The following HPRT1 variants were observed in gnomAD, a reference collection of about 807,000 sequenced individuals.
The protein encoded by HPRT1 is hypoxanthine-guanine phosphoribosyltransferase.
HPRT1 carries 4 observed loss-of-function variants against 19.0 expected under a neutral mutation model. That is an observed-to-expected ratio of 0.21 (90% CI 0.10 to 0.48). The LOEUF (loss-of-function observed/expected upper bound fraction) is 0.48. HPRT1 is among the 20% of genes least tolerant of loss of function. The pLI is 0.98. For synonymous variants in HPRT1, 53 were observed against 54.9 expected (o/e 0.97, Z 0.15); for missense variants, 65 against 164.0 (o/e 0.40, Z 3.30).
intron 1 of HPRT1, among the ~76,000 whole-genome samples, chrX:134,467,343 C>T (rs776059928): frequency 8.9e-5 from 10 of 112,450 alleles, no homozygotes; most frequent in African/African-American, 1.3e-4. Context: ...TGAGCCACCA[C>T]GCCCAGCTAT....
intron 3 of HPRT1, among the ~76,000 whole-genome samples, chrX:134,480,458 T>TTG (rs1227259845): frequency 9.2e-6 from 1 of 108,323 alleles, no homozygotes; most frequent in African/African-American, 3.4e-5. Flanking sequence ...AGAAATGTTT[T>TTG]TTTTTTTGAG....
Position 134,473,440 on chromosome X carries a change from A to C in HPRT1, c.109A>C (p.Ile37Leu). ...TGCTGAGGATTTGGAAAGGGTGTTT[A>C]TTCCTCATGGACTAATTATGGACAG... Reference protein sequence around the residue: ...HYAEDLERVFIPHGLIMDRTE... With the variant: ...HYAEDLERVFLPHGLIMDRTE... The change falls in exon 2 of 9, where the codon ATT (isoleucine) becomes CTT (leucine). Residue 37 changes from isoleucine to leucine, a missense_variant. Physicochemically the swap from Ile to Leu is conservative, Grantham distance 5. Transcript: ENST00000298556. 1.7e-6 allele frequency: 2 copies of C among 1,158,110 alleles called. No homozygotes were observed. The highest frequency in any genetic ancestry group is 2.4e-6 in the Non-Finnish European group (2 of 846,563).
chrX:134,484,466 C>G (rs1342106253), intron 3 of HPRT1, among the ~76,000 whole-genome samples: 1 of 111,779 alleles, frequency 8.9e-6, no homozygotes, highest in Non-Finnish European at 1.9e-5. Context: ...CCTTGCAACA[C>G]CAAATAATAC....
At chrX:134,493,692 C>A in intron 6 of HPRT1, 102 bp downstream of exon 6, 1 of 579,976 alleles carries the variant, frequency 1.7e-6, no homozygotes, top group South Asian at 2.3e-5. Flanking sequence ...ATTTTATCTT[C>A]GAAAAGTAAT....
In HPRT1 at chrX:134,492,030, T is replaced by C. The variant is rs865942821; in HGVS notation, c.403-1478T>C. ...ATATATAAATATATATACATATATA[T>C]ATATACACACACACACACATATATA... On this transcript the variant is annotated intron_variant, in intron 5 of 8. Coordinates refer to ENST00000298556, the MANE Select transcript of HPRT1 (RefSeq NM_000194.3). Among the ~76,000 whole-genome samples, 60 of 98,581 alleles carry C rather than the reference T, an allele frequency of 6.1e-4. 1 individual carries two copies. Among genetic ancestry groups the C allele is most frequent in the African/African-American group, 2.2e-3 (56 of 25,893 alleles). The allele number at this position is 98,581 out of a possible 115,157, so 85.6% of individuals were successfully genotyped here.
At position 134,499,751 on chromosome X, in the gene HPRT1, C is replaced by T. The variant is rs567168637; in HGVS notation, c.610-279C>T. On this transcript the variant is annotated intron_variant, in intron 8 of 8. Coordinates refer to ENST00000298556, the MANE Select transcript of HPRT1 (RefSeq NM_000194.3). ...CCCGGGAGGCAGAGCTTGCAGTGAGCAGAGATCGTGCCACTGCACTCCAGT... is the reference window on the plus strand; with the variant it reads ...CCCGGGAGGCAGAGCTTGCAGTGAGTAGAGATCGTGCCACTGCACTCCAGT... 5.6e-4 allele frequency among the ~76,000 whole-genome samples: 61 copies of T among 109,248 alleles called. No individual in the cohort carries two copies. The South Asian group carries it at 0.024, about 43-fold the overall frequency. The allele number at this position is 109,248 out of a possible 115,157, so 94.9% of individuals were successfully genotyped here. A position where few individuals can be genotyped will look rare whatever the true frequency, so the allele number is the denominator to read the frequency against.
intron 1 of HPRT1, among the ~76,000 whole-genome samples, chrX:134,472,275 G>A (rs1569354703): frequency 9.0e-6 from 1 of 111,107 alleles, no homozygotes; most frequent in Non-Finnish European, 1.9e-5. Flanking sequence ...CACCATGCCA[G>A]TTTTTCCTGT....
intron 4 of HPRT1, among the ~76,000 whole-genome samples, chrX:134,486,918 T>C (rs1006217435): frequency 4.5e-5 from 5 of 109,900 alleles, no homozygotes; most frequent in African/African-American, 1.7e-4. Context: ...GCTGAAAGTG[T>C]GAGTTCCGGA....
chrX:134,477,626 C>T (rs1279013366), intron 3 of HPRT1, among the ~76,000 whole-genome samples: 2 of 110,667 alleles, frequency 1.8e-5, no homozygotes, highest in Non-Finnish European at 3.8e-5. Context: ...GCCTGGGCAA[C>T]ACAGCAATAC....
At chrX:134,495,486 T>C (rs781623630) in intron 6 of HPRT1, among the ~76,000 whole-genome samples, 32 of 112,143 alleles carry the variant, frequency 2.9e-4, no homozygotes, top group Non-Finnish European at 2.8e-4. Context: ...TGCAAAGCGC[T>C]GTTTCACTGT....
chrX:134,491,555 A>G (rs1490758343), intron 5 of HPRT1, among the ~76,000 whole-genome samples: 1 of 110,580 alleles, frequency 9.0e-6, no homozygotes, highest in Non-Finnish European at 1.9e-5. Flanking sequence ...TCACTGGTTG[A>G]CAGACGTTAG....
intron 1 of HPRT1, among the ~76,000 whole-genome samples, chrX:134,470,459 A>T (rs1780369881): frequency 8.9e-6 from 1 of 111,993 alleles, no homozygotes; most frequent in South Asian, 3.7e-4. Context: ...TTTTAAATGT[A>T]TTAAAAGTCA....
chrX:134,491,735 A>T (rs748282235), intron 5 of HPRT1, among the ~76,000 whole-genome samples: 9 of 107,238 alleles, frequency 8.4e-5, no homozygotes, highest in Admixed American at 4.1e-4. Flanking sequence ...ATTTAATTTT[A>T]ATTTTTATTT....
chrX:134,491,006 G>GTATATA (rs370671664), intron 5 of HPRT1, among the ~76,000 whole-genome samples: 2 of 96,486 alleles, frequency 2.1e-5, no homozygotes, highest in African/African-American at 7.6e-5. Context: ...CTCTCTCTAT[G>GTATATA]TATATATATA....
At chrX:134,481,328 T>C (rs2077638897) in intron 3 of HPRT1, among the ~76,000 whole-genome samples, 1 of 111,946 alleles carries the variant, frequency 8.9e-6, no homozygotes, top group Non-Finnish European at 1.9e-5. Context: ...AGCTTTCAGC[T>C]TAAACTTTTT....
intron 1 of HPRT1, among the ~76,000 whole-genome samples, chrX:134,461,676 C>T (rs1419251648): frequency 8.9e-6 from 1 of 112,047 alleles, no homozygotes; most frequent in Non-Finnish European, 1.9e-5. Context: ...ATCATGTTTA[C>T]TTACATAGTC....
chrX:134,476,748 A>G (rs1169774164), intron 3 of HPRT1, among the ~76,000 whole-genome samples: 1 of 111,213 alleles, frequency 9.0e-6, no homozygotes, highest in East Asian at 2.8e-4. Flanking sequence ...TAACTTTAAT[A>G]TTTTCTTTTA....
intron 1 of HPRT1, among the ~76,000 whole-genome samples, chrX:134,467,041 C>CTTTTTTTTTTTTTTTTTTTT (rs779817345): frequency 1.6e-5 from 1 of 61,010 alleles, no homozygotes; most frequent in Non-Finnish European, 2.8e-5. Flanking sequence ...AGATTTTAAG[C>CTTTTTTTTTTTTTTTTTTTT]TTTTTTTTTT....
chrX:134,494,380 A>T (rs1282656514), intron 6 of HPRT1, among the ~76,000 whole-genome samples: 12 of 112,495 alleles, frequency 1.1e-4, no homozygotes, highest in Admixed American at 1.0e-3. Flanking sequence ...TGTAGGGGTC[A>T]GGTAATGTTC....
Sources: allele counts gnomAD v4.1 joint callset (sites outside exome capture counted in the v4.1 genomes callset), GRCh38; gene constraint gnomAD v4.1.1; transcripts MANE v1.5; gene names NCBI Gene and HGNC (gene_info 2026-07-23, HGNC 2026-07-21).